UBE2G1: variants seen among roughly 807,000 people sequenced by gnomAD.
UBE2G1 encodes the protein ubiquitin-conjugating enzyme E2 G1.
Under a neutral mutation model 22.7 loss-of-function variants are expected in UBE2G1, and 5 were observed. The observed-to-expected ratio is 0.22, with a 90% CI of 0.12 to 0.46. The LOEUF is 0.46. UBE2G1 is among the 20% of genes least tolerant of loss of function. The pLI, the probability that UBE2G1 is intolerant of heterozygous loss-of-function variation, is 0.99. For missense variants in UBE2G1, 88 were observed against 203.9 expected (o/e 0.43, Z 3.46); for synonymous variants, 74 against 67.5 (o/e 1.10, Z -0.47).
chr17:4,360,051 TTGC>T (rs1474160755), intron 1 of UBE2G1, among the ~76,000 whole-genome samples: 1 of 152,170 alleles, frequency 6.6e-6, no homozygotes, highest in Non-Finnish European at 1.5e-5. Context: ...TGGAAAATGT[TTGC>T]TTTTTCTGAT....
chr17:4,273,802 G>C (rs1968788587), intron 5 of UBE2G1, among the ~76,000 whole-genome samples: 1 of 152,146 alleles, frequency 6.6e-6, no homozygotes, highest in Non-Finnish European at 1.5e-5. Context: ...AAAGAACTCA[G>C]AAACTCTGAA....
chr17:4,283,795 T>C (rs1359890849), intron 4 of UBE2G1, among the ~76,000 whole-genome samples: 1 of 152,038 alleles, frequency 6.6e-6, no homozygotes, highest in African/African-American at 2.4e-5. Flanking sequence ...AAGGGTCTAT[T>C]AAACAGAGGC....
At position 4,357,655 on chromosome 17, in the gene UBE2G1, G is replaced by C. The variant is rs912359299; in HGVS notation, c.46+8616C>G. On this transcript the variant is annotated intron_variant, in intron 1 of 5. Coordinates refer to ENST00000396981, the MANE Select transcript of UBE2G1 (RefSeq NM_003342.5). ...ATATCCCTCATGTCCCTAAATCCCT[G>C]AACACCACTATTCTCCATCACTGTA... 3.3e-5 allele frequency among the ~76,000 whole-genome samples: 5 copies of C among 151,928 alleles called. No individual in the cohort carries two copies. The East Asian group carries it at 9.7e-4, about 29-fold the overall frequency.
In UBE2G1 at chr17:4,270,110, C is replaced by T. The variant is rs1402519942; in HGVS notation, c.*2444G>A. On this transcript the variant is annotated 3_prime_UTR_variant, in exon 6 of 6. Transcript: ENST00000396981. Reference sequence around the variant, plus strand: ...TGTGGAGACGCACTCATGCCTGGCTCTCACTTCCACTCCCGTAGAGCTAGC... The same window carrying T: ...TGTGGAGACGCACTCATGCCTGGCTTTCACTTCCACTCCCGTAGAGCTAGC... The T allele has an allele frequency of 6.6e-6, 1 of 152,418 alleles. No individual in the cohort carries two copies. The highest frequency in any genetic ancestry group is 1.5e-5 in the Non-Finnish European group (1 of 68,004). The allele number at this position is 152,418 out of a possible 1,614,324, so 9.4% of individuals were successfully genotyped here. A position where few individuals can be genotyped will look rare whatever the true frequency, so the allele number is the denominator to read the frequency against.
chr17:4,359,991 C>T (rs948228018), intron 1 of UBE2G1, among the ~76,000 whole-genome samples: 1 of 151,714 alleles, frequency 6.6e-6, no homozygotes, highest in Non-Finnish European at 1.5e-5. Context: ...ACATTTTATT[C>T]TTTATCATTT....
At chr17:4,356,478 A>G (rs1285294964) in intron 1 of UBE2G1, among the ~76,000 whole-genome samples, 4 of 152,242 alleles carry the variant, frequency 2.6e-5, no homozygotes, top group African/African-American at 9.6e-5. Flanking sequence ...ATCTCAATAC[A>G]ACGGCATATA....
At chr17:4,343,299 T>C (rs1172419525) in intron 1 of UBE2G1, among the ~76,000 whole-genome samples, 1 of 152,116 alleles carries the variant, frequency 6.6e-6, no homozygotes, top group Non-Finnish European at 1.5e-5. Flanking sequence ...TTTATATTAA[T>C]AACAAGTCCA....
intron 5 of UBE2G1, among the ~76,000 whole-genome samples, chr17:4,280,113 G>A (rs1270834598): frequency 6.7e-6 from 1 of 149,340 alleles, no homozygotes; most frequent in Non-Finnish European, 1.5e-5. Context: ...TCGGCTCATC[G>A]CAGCCTCCGC....
intron 1 of UBE2G1, among the ~76,000 whole-genome samples, chr17:4,321,815 G>A (rs1489037123): frequency 1.3e-5 from 2 of 152,072 alleles, no homozygotes; most frequent in African/African-American, 2.4e-5. Flanking sequence ...TAGAGTCTAA[G>A]GGATGAAGGC....
chr17:4,345,156 A>G (rs1179854454), intron 1 of UBE2G1, among the ~76,000 whole-genome samples: 1 of 152,218 alleles, frequency 6.6e-6, no homozygotes, highest in East Asian at 1.9e-4. Context: ...AAGGAAGTCC[A>G]AGCCCCTCAT....
At chr17:4,296,605 C>T (rs1014799710) in intron 3 of UBE2G1, 112 bp downstream of exon 3, 24 of 1,127,536 alleles carry the variant, frequency 2.1e-5, no homozygotes, top group South Asian at 2.1e-4. Flanking sequence ...ATGAACAGTA[C>T]AAAAATGCCA....
At chr17:4,362,657 G>A (rs1294009917) in intron 1 of UBE2G1, among the ~76,000 whole-genome samples, 1 of 152,132 alleles carries the variant, frequency 6.6e-6, no homozygotes, top group African/African-American at 2.4e-5. Context: ...CAGACTAGAG[G>A]TTCAATAAAT....
At chr17:4,315,979 T>TA (rs1555521471) in intron 1 of UBE2G1, among the ~76,000 whole-genome samples, 4 of 150,832 alleles carry the variant, frequency 2.7e-5, no homozygotes, top group Admixed American at 6.6e-5. Flanking sequence ...GGCTAATTTT[T>TA]TATATATATA....
At chr17:4,349,573 G>A (rs1312471925) in intron 1 of UBE2G1, among the ~76,000 whole-genome samples, 1 of 152,160 alleles carries the variant, frequency 6.6e-6, no homozygotes, top group East Asian at 1.9e-4. Context: ...GCCAGGCGCT[G>A]TGGCTCACGC....
At chr17:4,287,305 C>T (rs1235544880) in intron 4 of UBE2G1, among the ~76,000 whole-genome samples, 2 of 151,202 alleles carry the variant, frequency 1.3e-5, no homozygotes, top group African/African-American at 2.4e-5. Flanking sequence ...CGGGGTTTCA[C>T]TTTGGCCAGG....
intron 2 of UBE2G1, chr17:4,302,420 G>A: frequency 2.0e-6 from 1 of 505,970 alleles, no homozygotes; most frequent in Non-Finnish European, 4.0e-6. Context: ...TGTGCATTTT[G>A]GCCAACAGTG....
At chr17:4,295,498 T>TTCAA (rs1421130803) in intron 3 of UBE2G1, among the ~76,000 whole-genome samples, 4 of 152,248 alleles carry the variant, frequency 2.6e-5, no homozygotes, top group Non-Finnish European at 5.9e-5. Flanking sequence ...TTTAACTTCA[T>TTCAA]TCAATCATTC....
chr17:4,357,064 AC>A (rs1382959606), intron 1 of UBE2G1, among the ~76,000 whole-genome samples: 1 of 151,472 alleles, frequency 6.6e-6, no homozygotes, highest in Non-Finnish European at 1.5e-5. Flanking sequence ...TAGTCCCCCC[AC>A]CCCTGCCCCA....
chr17:4,338,105 G>C (rs1029057700), intron 1 of UBE2G1, among the ~76,000 whole-genome samples: 1 of 152,062 alleles, frequency 6.6e-6, no homozygotes, highest in African/African-American at 2.4e-5. Context: ...GGGAGGCAGA[G>C]GTTGCAGTGA....
Sources: gnomAD v4.1 joint callset for allele counts (sites outside exome capture counted in the v4.1 genomes callset) on GRCh38, gnomAD v4.1.1 for gene constraint, MANE v1.5 for transcripts, NCBI Gene and HGNC (gene_info 2026-07-23, HGNC 2026-07-21) for gene names.